The following STX6 variants were observed in gnomAD, a reference collection of about 807,000 sequenced individuals.
STX6 encodes syntaxin 6.
STX6 carries 23 observed loss-of-function variants against 38.0 expected under a neutral mutation model. The observed-to-expected ratio is 0.60, with a 90% confidence interval of 0.43 to 0.86. The LOEUF (loss-of-function observed/expected upper bound fraction) is 0.86. STX6 is among the 40% of genes least tolerant of loss of function. The pLI is 0.00. For missense variants in STX6, 274 were observed against 312.9 expected, an observed-to-expected ratio of 0.88 and a Z score of 0.94; for synonymous variants, 123 against 107.5, an observed-to-expected ratio of 1.14 and a Z score of -0.89.
At position 181,002,620 on chromosome 1, in the gene STX6, G is replaced by T; in HGVS notation, c.286C>A (p.Arg96=). The T allele has an allele frequency of 6.2e-7, 1 of 1,612,226 alleles. No individual in the cohort carries two copies. Among genetic ancestry groups the T allele is most frequent in the Non-Finnish European group, 8.5e-7 (1 of 1,178,498 alleles). ...ATATTCCTTACCCTGACAACTTGCC[G>T]AGTACTTGTAATGAAGGCTTTTCTT... The part of the protein sequence containing the change: ...SIRKAFITST[R]QVVRDMKDQM... The change falls in exon 3 of 8, where the codon CGG becomes AGG. Residue 96 remains arginine (R), a synonymous_variant. Transcript: ENST00000258301.
intron 1 of STX6, among the ~76,000 whole-genome samples, chr1:181,009,470 CAA>C (rs34469966): frequency 6.3e-4 from 66 of 105,392 alleles, no homozygotes; most frequent in Admixed American, 8.8e-4. Flanking sequence ...CTGTTGTTTC[CAA>C]AAAAAAAAAA....
intron 1 of STX6, among the ~76,000 whole-genome samples, chr1:181,016,455 T>C (rs1418113020): frequency 1.3e-5 from 2 of 152,236 alleles, no homozygotes; most frequent in Non-Finnish European, 1.5e-5. Context: ...CTAAATAATA[T>C]TAAACACTCA....
intron 3 of STX6, among the ~76,000 whole-genome samples, chr1:180,993,781 C>G (rs1263297366): frequency 6.6e-6 from 1 of 152,094 alleles, no homozygotes; most frequent in Admixed American, 6.5e-5. Flanking sequence ...TTGAGGAGAC[C>G]TAGGTCCAAA....
intron 7 of STX6, among the ~76,000 whole-genome samples, chr1:180,978,000 G>A (rs918123304): frequency 4.6e-5 from 7 of 152,186 alleles, no homozygotes; most frequent in Non-Finnish European, 7.4e-5. Context: ...TCCATCACTC[G>A]TTGTTCTCAG....
chr1:180,985,008 G>C (rs570456501), intron 6 of STX6, among the ~76,000 whole-genome samples: 13 of 152,282 alleles, frequency 8.5e-5, no homozygotes, highest in Middle Eastern at 3.4e-3. Context: ...ACCACTAGGA[G>C]GACACCACCA....
chr1:180,999,419 A>G (rs949627853), intron 3 of STX6, among the ~76,000 whole-genome samples: 1 of 152,232 alleles, frequency 6.6e-6, no homozygotes, highest in Non-Finnish European at 1.5e-5. Context: ...TCTTTGATGT[A>G]TAGGTGACTC....
intron 5 of STX6, chr1:180,989,026 T>A (rs1655671700): frequency 6.6e-6 from 1 of 152,182 alleles, no homozygotes; most frequent in African/African-American, 2.4e-5. Context: ...AAACACAATA[T>A]TTAAGAATCA....
chr1:180,991,049 A>G (rs1332859603), intron 4 of STX6, among the ~76,000 whole-genome samples: 1 of 152,162 alleles, frequency 6.6e-6, no homozygotes. Context: ...CTATCGGGTA[A>G]TTTAAAAAAA....
intron 6 of STX6, chr1:180,987,979 G>A (rs1655637384): frequency 6.2e-6 from 2 of 321,574 alleles, no homozygotes; most frequent in Non-Finnish European, 1.2e-5. Flanking sequence ...TATACTTCGA[G>A]TATCTGCTCA....
intron 4 of STX6, 121 bp downstream of exon 4, chr1:180,993,242 G>A (rs1655803565): frequency 6.1e-6 from 4 of 652,486 alleles, no homozygotes; most frequent in Non-Finnish European, 1.1e-5. Flanking sequence ...GTCACACCAG[G>A]GCCTGCAAGC....
chr1:180,996,922 T>TG (rs1307430974), intron 3 of STX6, among the ~76,000 whole-genome samples: 2 of 152,204 alleles, frequency 1.3e-5, no homozygotes, highest in African/African-American at 4.8e-5. Flanking sequence ...GAAACAATTA[T>TG]GTAAGTTATG....
intron 1 of STX6, among the ~76,000 whole-genome samples, chr1:181,019,440 G>T (rs555571551): frequency 6.6e-6 from 1 of 152,264 alleles, no homozygotes; most frequent in East Asian, 1.9e-4. Context: ...ATAATTAGGG[G>T]TGACAAAGGA....
intron 3 of STX6, among the ~76,000 whole-genome samples, chr1:181,000,298 G>A (rs569120559): frequency 2.0e-4 from 30 of 152,316 alleles, no homozygotes; most frequent in Middle Eastern, 6.8e-3. Context: ...AGAACTGCCC[G>A]AGACTGGGTA....
chr1:181,001,822 G>A (rs1167214305), intron 3 of STX6, among the ~76,000 whole-genome samples: 2 of 152,214 alleles, frequency 1.3e-5, no homozygotes, highest in Admixed American at 6.5e-5. Context: ...CATTCAGGAT[G>A]ACACCATTTG....
At chr1:180,993,287 G>T in intron 4 of STX6, 76 bp downstream of exon 4, 1 of 876,186 alleles carries the variant, frequency 1.1e-6, no homozygotes, top group Non-Finnish European at 1.9e-6. Context: ...ATCCATGGAT[G>T]GTCAGCATTT....
chr1:181,010,958 T>C (rs1656379520), intron 1 of STX6, among the ~76,000 whole-genome samples: 1 of 152,128 alleles, frequency 6.6e-6, no homozygotes, highest in Non-Finnish European at 1.5e-5. Flanking sequence ...TGGATTCTAG[T>C]AGCACTGAGT....
At chr1:180,993,765 T>C (rs1655820894) in intron 3 of STX6, among the ~76,000 whole-genome samples, 1 of 152,178 alleles carries the variant, frequency 6.6e-6, no homozygotes, top group African/African-American at 2.4e-5. Flanking sequence ...TATTTCCATT[T>C]TAAGGTTGAG....
At chr1:181,020,701 C>A (rs532666783) in intron 1 of STX6, among the ~76,000 whole-genome samples, 1 of 152,204 alleles carries the variant, frequency 6.6e-6, no homozygotes, top group African/African-American at 2.4e-5. Context: ...AAGGAGTTAC[C>A]TTTCTCTGAA....
chr1:181,017,540 C>T (rs746868630), intron 1 of STX6, among the ~76,000 whole-genome samples: 6 of 152,206 alleles, frequency 3.9e-5, no homozygotes, highest in Non-Finnish European at 7.4e-5. Flanking sequence ...TGCTCAGTTA[C>T]ATGGTTTTCT....
Sources: allele counts gnomAD v4.1 joint callset (sites outside exome capture counted in the v4.1 genomes callset), GRCh38; gene constraint gnomAD v4.1.1; transcripts MANE v1.5; gene names NCBI Gene and HGNC (gene_info 2026-07-23, HGNC 2026-07-21).